NOL4: variants seen among roughly 807,000 people sequenced by gnomAD.
NOL4 encodes cancer/testis antigen 125.
A neutral mutation model predicts 75.9 loss-of-function variants in NOL4; 17 were observed. The observed-to-expected ratio is 0.22, with a 90% CI of 0.15 to 0.34. NOL4 has a LOEUF of 0.34. NOL4 is among the 10% of genes least tolerant of loss of function. The pLI is 1.00. For synonymous variants in NOL4, 292 were observed against 289.9 expected (o/e 1.01, Z -0.07); for missense variants, 614 against 793.5 (o/e 0.77, Z 2.72).
intron 6 of NOL4, among the ~76,000 whole-genome samples, chr18:33,959,816 T>TA (rs1294150986): frequency 5.9e-5 from 9 of 152,038 alleles, no homozygotes. Flanking sequence ...TTAGAACATC[T>TA]AAACAACCTC....
chr18:33,925,798 G>A (rs549971575), intron 9 of NOL4, among the ~76,000 whole-genome samples: 1 of 152,130 alleles, frequency 6.6e-6, no homozygotes, highest in East Asian at 1.9e-4. Context: ...TTGAAAAAAG[G>A]AAGGAAGGAA....
At chr18:33,922,755 A>C (rs1432933099) in intron 9 of NOL4, among the ~76,000 whole-genome samples, 2 of 152,206 alleles carry the variant, frequency 1.3e-5, no homozygotes, top group Admixed American at 1.3e-4. Context: ...TTTAGTTTAT[A>C]TATTAACAAG....
chr18:33,864,163 A>C (rs1390542678), intron 10 of NOL4, among the ~76,000 whole-genome samples: 1 of 152,082 alleles, frequency 6.6e-6, no homozygotes, highest in East Asian at 1.9e-4. Flanking sequence ...CTATGATGGG[A>C]GTTACTGCTG....
At chr18:34,077,230 C>A (rs2077787008) in intron 5 of NOL4, among the ~76,000 whole-genome samples, 1 of 152,116 alleles carries the variant, frequency 6.6e-6, no homozygotes, top group Admixed American at 6.6e-5. Context: ...ATCATCTGAA[C>A]CCCAGTGGTT....
intron 1 of NOL4, among the ~76,000 whole-genome samples, chr18:34,131,073 GACACACACACACAC>G (rs35968611): frequency 6.9e-6 from 1 of 145,324 alleles, no homozygotes; most frequent in South Asian, 2.3e-4. Context: ...CACATACACC[GACACACACACACAC>G]ACACACACAC....
chr18:34,164,313 A>C (rs1224353123), intron 1 of NOL4, among the ~76,000 whole-genome samples: 1 of 152,060 alleles, frequency 6.6e-6, no homozygotes, highest in Admixed American at 6.6e-5. Flanking sequence ...CAACCTATAA[A>C]ATGGGAGAAA....
intron 1 of NOL4, chr18:34,222,038 G>T (rs945732086): frequency 1.6e-5 from 25 of 1,535,294 alleles, no homozygotes; most frequent in Non-Finnish European, 2.1e-5. Flanking sequence ...GATGCAGAAA[G>T]GTCTCCTGCA....
Position 34,038,810 on chromosome 18 carries a change from A to T in NOL4, c.773-19209T>A, listed in dbSNP as rs2076021709. On this transcript the variant is annotated intron_variant, in intron 5 of 10. Transcript: ENST00000261592. ...AACTTACAGTTTAGATAGAAAAACA[A>T]GTTCTAATGTTTGATAACAGCCTAA... 2.0e-5 allele frequency among the ~76,000 whole-genome samples: 3 copies of T among 152,012 alleles called. No individual in the cohort carries two copies. In the South Asian group the frequency reaches 6.2e-4, roughly 31 times the overall value.
chr18:34,196,426 CAG>C, intron 1 of NOL4, among the ~76,000 whole-genome samples: 1 of 152,124 alleles, frequency 6.6e-6, no homozygotes. Flanking sequence ...CTCAACTGTG[CAG>C]AGTCAGAATC....
intron 1 of NOL4, among the ~76,000 whole-genome samples, chr18:34,200,167 G>A (rs1003511395): frequency 6.6e-6 from 1 of 151,782 alleles, no homozygotes; most frequent in East Asian, 1.9e-4. Flanking sequence ...ATGAGGAAAA[G>A]CTCATTAGAA....
chr18:33,889,450 C>A (rs2064967509), intron 9 of NOL4, among the ~76,000 whole-genome samples: 1 of 152,014 alleles, frequency 6.6e-6, no homozygotes, highest in Admixed American at 6.6e-5. Flanking sequence ...AGGAATTCTA[C>A]CAGAGGTACA....
intron 9 of NOL4, among the ~76,000 whole-genome samples, chr18:33,923,248 T>A (rs2067141490): frequency 6.6e-6 from 1 of 152,068 alleles, no homozygotes; most frequent in Non-Finnish European, 1.5e-5. Context: ...AGAAACTGAT[T>A]TAGAAATTCT....
chr18:33,993,197 T>C (rs560830596), intron 6 of NOL4, among the ~76,000 whole-genome samples: 23 of 152,044 alleles, frequency 1.5e-4, no homozygotes, highest in African/African-American at 5.3e-4. Context: ...AGCATTAGTC[T>C]GAACAGCAAA....
chr18:33,911,873 T>G (rs2066428240), intron 9 of NOL4, among the ~76,000 whole-genome samples: 1 of 152,108 alleles, frequency 6.6e-6, no homozygotes, highest in Admixed American at 6.6e-5. Flanking sequence ...TTTAGCATAT[T>G]TTTCCACTAT....
chr18:33,941,753 A>G (rs1321948000), intron 9 of NOL4, among the ~76,000 whole-genome samples: 1 of 151,864 alleles, frequency 6.6e-6, no homozygotes, highest in Non-Finnish European at 1.5e-5. Context: ...ACAATTAGAA[A>G]AGGTAGAGAT....
At chr18:33,902,606 A>G (rs913459390) in intron 9 of NOL4, among the ~76,000 whole-genome samples, 1 of 152,130 alleles carries the variant, frequency 6.6e-6, no homozygotes, top group African/African-American at 2.4e-5. Context: ...TTTCCATGAC[A>G]TACTAATAAC....
intron 7 of NOL4, among the ~76,000 whole-genome samples, chr18:33,957,985 C>A (rs899923730): frequency 3.9e-5 from 6 of 152,116 alleles, no homozygotes; most frequent in African/African-American, 7.2e-5. Context: ...TAAGCTGAGG[C>A]CCCCTCCATC....
At position 34,024,197 on chromosome 18, in the gene NOL4, AT is replaced by A. The variant is rs1568234051; in HGVS notation, c.773-4597del. Reference sequence around the variant, plus strand: ...AATAAACAGGAAAAAAAAAAAAAATATATATATATATATATATAAAATCCTC... The same window carrying A: ...AATAAACAGGAAAAAAAAAAAAAATAATATATATATATATATAAAATCCTC... On this transcript the variant is annotated intron_variant, in intron 5 of 10. Transcript: ENST00000261592. 2.6e-3 allele frequency among the ~76,000 whole-genome samples: 259 copies of A among 100,804 alleles called. 7 individuals are homozygous for A. The highest frequency in any genetic ancestry group is 6.0e-3 in the African/African-American group (162 of 26,838). The allele number at this position is 100,804 out of a possible 152,430, so 66.1% of individuals were successfully genotyped here.
intron 5 of NOL4, among the ~76,000 whole-genome samples, chr18:34,069,586 C>A (rs1325731629): frequency 6.6e-6 from 1 of 151,544 alleles, no homozygotes. Flanking sequence ...TGCATTTAGG[C>A]ATATCATAGG....
Sources: gnomAD v4.1 joint callset for allele counts (sites outside exome capture counted in the v4.1 genomes callset) on GRCh38, gnomAD v4.1.1 for gene constraint, MANE v1.5 for transcripts, NCBI Gene and HGNC (gene_info 2026-07-23, HGNC 2026-07-21) for gene names.